The following KCTD18 variants were observed in gnomAD, a reference collection of about 807,000 sequenced individuals.
KCTD18 encodes the protein BTB/POZ domain-containing protein KCTD18.
A neutral mutation model predicts 30.4 loss-of-function variants in KCTD18; 22 were observed. The ratio of observed to expected loss-of-function variants is 0.72; its 90% CI spans 0.52 to 1.03. KCTD18 has a LOEUF of 1.03. Ranked by LOEUF, KCTD18 falls within the 50% of genes least tolerant of loss-of-function variation. The pLI, the probability that KCTD18 is intolerant of heterozygous loss-of-function variation, is 0.00. For missense variants in KCTD18, 529 were observed against 547.6 expected (o/e 0.97, Z 0.34); for synonymous variants, 186 against 209.0 (o/e 0.89, Z 0.95).
rs1174230490 is a variant in KCTD18, at chr2:200,498,972, A to G, written c.485T>C (p.Val162Ala). The G allele has an allele frequency of 6.2e-7, 1 of 1,614,106 alleles. No homozygotes were observed. Among genetic ancestry groups the G allele is most frequent in the East Asian group, 2.2e-5 (1 of 44,870 alleles). ...TGTTCCATCAGTTTTTGTGGCATAT[A>G]CACCAATAATTCTACTCTCACAGCT... is the stretch of plus-strand genomic sequence containing the variant. ...GASCESRIIG[V>A]YATKTDGTDA... The change falls in exon 4 of 7, where the codon GTA becomes GCA. Residue 162 changes from valine (V) to alanine (A), a missense_variant. By Grantham distance (64) the Val-to-Ala change is moderately conservative. Coordinates refer to ENST00000359878, the MANE Select transcript of KCTD18 (RefSeq NM_152387.4).
chr2:200,499,061 T>G lies in KCTD18; in HGVS notation c.396A>C (p.Ser132=). Residue 132 remains serine (S), a synonymous_variant, in exon 4 of 7, where the codon TCA becomes TCC. Coordinates refer to ENST00000359878, the MANE Select transcript of KCTD18 (RefSeq NM_152387.4). ...LKKALTDFCD[S]YGLVCNKPTV... is the part of the protein sequence containing the mutation. Reference sequence around the variant, plus strand: ...TTGGTTTATTGCAGACTAAGCCATATGAATCACAGAAGTCTGTTAAAGCCT... The same window carrying G: ...TTGGTTTATTGCAGACTAAGCCATAGGAATCACAGAAGTCTGTTAAAGCCT... 6.2e-7 allele frequency: 1 copy of G among 1,612,804 alleles called. No individual in the cohort carries two copies.
At position 200,498,920 on chromosome 2, in the gene KCTD18, T is replaced by C. The variant is rs777408104; in HGVS notation, c.537A>G (p.Gly179=). The change falls in exon 4 of 7, where the codon GGA becomes GGG. Residue 179 remains glycine, a synonymous_variant. Transcript: ENST00000359878. Reference sequence around the variant, plus strand: ...TAAAAATGCCTTTGCTGTGAATTCTTCCTCCCAGCTGCTTTTCAATAGCGT... The same window carrying C: ...TAAAAATGCCTTTGCTGTGAATTCTCCCTCCCAGCTGCTTTTCAATAGCGT... The part of the protein sequence containing the change: ...GTDAIEKQLG[G]RIHSKGIFKR... The C allele has an allele frequency of 1.2e-6, 2 of 1,613,892 alleles. No individual in the cohort carries two copies. Among genetic ancestry groups the C allele is most frequent in the Admixed American group, 3.3e-5 (2 of 59,948 alleles).
Position 200,490,419 on chromosome 2 carries a change from T to C in KCTD18, c.962A>G (p.Lys321Arg). 1 of 1,614,174 alleles carries C rather than the reference T, an allele frequency of 6.2e-7. No homozygotes were observed. Among genetic ancestry groups the C allele is most frequent in the East Asian group, 2.2e-5 (1 of 44,884 alleles). Residue 321 changes from lysine (K) to arginine (R), a missense_variant, in exon 7 of 7, where the codon AAG (lysine) becomes AGG (arginine). Physicochemically the swap from Lys to Arg is conservative, Grantham distance 26. Transcript: ENST00000359878. ...ANRFQSGSRR[K>R]AAQRSAPSRA... is the part of the protein sequence containing the mutation. Reference sequence around the variant, plus strand: ...GGAAGGTGCAGAGCGCTGAGCTGCCTTTCTGCGGCTACCACTTTGAAACCG... The same window carrying C: ...GGAAGGTGCAGAGCGCTGAGCTGCCCTTCTGCGGCTACCACTTTGAAACCG...
At chr2:200,502,356 C>T (rs1171260867) in intron 3 of KCTD18, among the ~76,000 whole-genome samples, 1 of 151,882 alleles carries the variant, frequency 6.6e-6, no homozygotes, top group Non-Finnish European at 1.5e-5. Context: ...AGACCTTTTT[C>T]TTTTCCCTTT....
At chr2:200,503,066 G>A (rs1268008368) in intron 3 of KCTD18, among the ~76,000 whole-genome samples, 1 of 150,916 alleles carries the variant, frequency 6.6e-6, no homozygotes, top group Non-Finnish European at 1.5e-5. Context: ...AGTGCCACCA[G>A]TGAGACCACA....
intron 3 of KCTD18, among the ~76,000 whole-genome samples, chr2:200,502,471 G>C (rs1305016283): frequency 6.6e-6 from 1 of 151,830 alleles, no homozygotes; most frequent in Non-Finnish European, 1.5e-5. Flanking sequence ...TCTAATCATG[G>C]ACTAACCAGA....
intron 5 of KCTD18, 34 bp from the exon 6 acceptor site, chr2:200,493,308 C>T (rs2087950374): frequency 1.7e-6 from 2 of 1,183,032 alleles, no homozygotes; most frequent in South Asian, 1.2e-5. Context: ...AAGACAGCTA[C>T]CATCCACTGC....
At chr2:200,499,687 T>C (rs573167179) in intron 3 of KCTD18, among the ~76,000 whole-genome samples, 9 of 151,848 alleles carry the variant, frequency 5.9e-5, no homozygotes, top group Admixed American at 3.9e-4. Context: ...CACAGCCGAA[T>C]TCTACCAGAG....
At chr2:200,499,896 C>A (rs989107493) in intron 3 of KCTD18, among the ~76,000 whole-genome samples, 5 of 148,858 alleles carry the variant, frequency 3.4e-5, no homozygotes, top group Non-Finnish European at 7.5e-5. Context: ...TACTAGCAAA[C>A]CGAATCCAGC....
chr2:200,492,389 A>G (rs548473587), intron 6 of KCTD18, among the ~76,000 whole-genome samples: 1 of 152,320 alleles, frequency 6.6e-6, no homozygotes, highest in South Asian at 2.1e-4. Flanking sequence ...CTTGACTCAA[A>G]TATATTTGCT....
intron 6 of KCTD18, among the ~76,000 whole-genome samples, chr2:200,492,510 G>A (rs558963002): frequency 6.6e-5 from 10 of 152,266 alleles, no homozygotes; most frequent in East Asian, 3.9e-4. Context: ...AAGCATCTCC[G>A]CATTTCAGTG....
intron 1 of KCTD18, 31 bp from the exon 2 acceptor site, chr2:200,507,122 T>C (rs188891565): frequency 3.2e-5 from 26 of 814,014 alleles, no homozygotes; most frequent in Admixed American, 1.7e-4. Flanking sequence ...ATCCCCGCCA[T>C]TTCCAACAAG....
chr2:200,497,821 A>G lies in KCTD18; in HGVS notation c.593T>C (p.Ile198Thr). 1.2e-6 allele frequency: 2 copies of G among 1,611,680 alleles called. No individual in the cohort carries two copies. The highest frequency in any genetic ancestry group is 1.3e-5 in the African/African-American group (1 of 74,992). Residue 198 changes from isoleucine to threonine, a missense_variant, in exon 5 of 7, where the codon ATT (isoleucine) becomes ACT (threonine). Physicochemically the swap from Ile to Thr is moderately conservative, Grantham distance 89 (BLOSUM62 -1). Transcript: ENST00000359878. ...KREAGNNVQY[I>T]WSYYSVAELK... Reference sequence around the variant, plus strand: ...CTCTGCTACTGAATAATAGCTCCAAATGTACTGAACATTATTTCCCGCCTC... The same window carrying G: ...CTCTGCTACTGAATAATAGCTCCAAGTGTACTGAACATTATTTCCCGCCTC...
chr2:200,490,112 G>A lies in KCTD18; in HGVS notation c.1269C>T (p.Asn423=). 1 of 1,574,162 alleles carries A rather than the reference G, an allele frequency of 6.4e-7. No homozygotes were observed. Among genetic ancestry groups the A allele is most frequent in the Non-Finnish European group, 8.7e-7 (1 of 1,155,076 alleles). The change falls in exon 7 of 7, where the codon AAC becomes AAT. Residue 423 remains asparagine (N), a synonymous_variant. Coordinates refer to ENST00000359878, the MANE Select transcript of KCTD18 (RefSeq NM_152387.4). ...ALGVRTENGK[N]KGN is the part of the protein sequence containing the mutation. ...TCCACCACTTTCATCAATTTCCCTT[G>A]TTCTTCCCGTTCTCAGTCCGCACTC...
intron 6 of KCTD18, among the ~76,000 whole-genome samples, chr2:200,492,565 A>G (rs1295422292): frequency 6.6e-6 from 1 of 152,228 alleles, no homozygotes; most frequent in Non-Finnish European, 1.5e-5. Flanking sequence ...GAAATTCCAT[A>G]CGGGCATTCA....
intron 5 of KCTD18, among the ~76,000 whole-genome samples, chr2:200,493,971 A>T (rs1011262429): frequency 6.6e-6 from 1 of 152,246 alleles, no homozygotes; most frequent in African/African-American, 2.4e-5. Flanking sequence ...TTCCAACAAG[A>T]ATCTGAGCTA....
At chr2:200,492,010 GTCA>G (rs1192687394) in intron 6 of KCTD18, among the ~76,000 whole-genome samples, 1 of 152,248 alleles carries the variant, frequency 6.6e-6, no homozygotes, top group Non-Finnish European at 1.5e-5. Context: ...GTGCTTCTCA[GTCA>G]TCATCATCGT....
chr2:200,490,455 G>A lies in KCTD18; in HGVS notation c.926C>T (p.Ala309Val), dbSNP rs543025211. The change falls in exon 7 of 7, where the codon GCG (alanine) becomes GTG (valine). Residue 309 changes from alanine to valine, a missense_variant. Physicochemically the swap from Ala to Val is moderately conservative, Grantham distance 64 (BLOSUM62 0). Transcript: ENST00000359878. ...ACCACTTTGAAACCGGTTTGCTGTC[G>A]CCCCAGCCGACGTCTGGATGGCACT... ...PASAIQTSAG[A>V]TANRFQSGSR... 5 of 1,613,724 alleles carry A rather than the reference G, an allele frequency of 3.1e-6. No individual in the cohort carries two copies. The highest frequency in any genetic ancestry group is 1.3e-5 in the African/African-American group (1 of 75,040).
intron 3 of KCTD18, 54 bp downstream of exon 3, chr2:200,504,694 T>C (rs2030064505): frequency 1.6e-6 from 2 of 1,274,974 alleles, no homozygotes; most frequent in African/African-American, 1.5e-5. Context: ...ATAGTACATA[T>C]TGCTTTGTGC....
Sources: gnomAD v4.1 joint callset for allele counts (sites outside exome capture counted in the v4.1 genomes callset) on GRCh38, gnomAD v4.1.1 for gene constraint, MANE v1.5 for transcripts, NCBI Gene and HGNC (gene_info 2026-07-23, HGNC 2026-07-21) for gene names.